SGK3: variants seen among roughly 807,000 people sequenced by gnomAD.
The protein encoded by SGK3 is serine/threonine-protein kinase Sgk3.
Under a neutral mutation model 68.5 loss-of-function variants are expected in SGK3, and 47 were observed. The ratio of observed to expected loss-of-function variants is 0.69; its 90% CI spans 0.54 to 0.87. The LOEUF (loss-of-function observed/expected upper bound fraction) is 0.87, where lower values mean the gene tolerates loss of function less well. Among genes scored for constraint, SGK3 ranks in the 40% least tolerant of loss-of-function variants. The pLI is 0.00. For missense variants in SGK3, 479 were observed against 575.5 expected, an observed-to-expected ratio of 0.83 and a Z score of 1.72; for synonymous variants, 181 against 189.1, an observed-to-expected ratio of 0.96 and a Z score of 0.35.
chr8:66,723,131 ATTTTTT>A (rs1177940065), intron 1 of SGK3, among the ~76,000 whole-genome samples: 72 of 29,446 alleles, frequency 2.4e-3, no homozygotes, highest in African/African-American at 6.5e-3. Flanking sequence ...ATATATATAT[ATTTTTT>A]TTTTTTTTTT....
chr8:66,800,912 G>A (rs1291300214), intron 3 of SGK3, among the ~76,000 whole-genome samples: 1 of 152,126 alleles, frequency 6.6e-6, no homozygotes, highest in Non-Finnish European at 1.5e-5. Flanking sequence ...TTGAGCCTGG[G>A]CGGTTGAGGC....
chr8:66,824,633 C>T (rs935301085), intron 6 of SGK3, among the ~76,000 whole-genome samples: 1 of 152,218 alleles, frequency 6.6e-6, no homozygotes, highest in Non-Finnish European at 1.5e-5. Context: ...GAATAATCCA[C>T]ACAGAAAAAA....
rs922506612 is a variant in SGK3 at position 66,806,830 on chromosome 8, A to G, written c.253+2383A>G. On this transcript the variant is annotated intron_variant, in intron 4 of 16. Transcript: ENST00000521198. The stretch of plus-strand genomic sequence containing the variant: ...CTCTGTCTCGAAAAAAAAAAAAAAA[A>G]AGAAAACACAAAAGAAATCTTATGG... Among the ~76,000 whole-genome samples, 3 of 152,016 alleles carry G rather than the reference A, an allele frequency of 2.0e-5. No individual in the cohort carries two copies. The South Asian group carries it at 6.2e-4, about 31-fold the overall frequency.
At chr8:66,798,439 C>T in intron 2 of SGK3, 103 bp from the exon 3 acceptor site, 1 of 919,822 alleles carries the variant, frequency 1.1e-6, no homozygotes, top group Non-Finnish European at 1.6e-6. Flanking sequence ...GCCAGACTGT[C>T]TCAAAAAAAA....
At chr8:66,776,816 A>G (rs1415898347) in intron 1 of SGK3, among the ~76,000 whole-genome samples, 1 of 152,132 alleles carries the variant, frequency 6.6e-6, no homozygotes, top group Non-Finnish European at 1.5e-5. Context: ...AAGTTGCTAC[A>G]TTAATTATTG....
intron 8 of SGK3, among the ~76,000 whole-genome samples, chr8:66,833,513 A>G (rs1809386199): frequency 6.6e-6 from 1 of 152,178 alleles, no homozygotes; most frequent in African/African-American, 2.4e-5. Flanking sequence ...TTCAGAATCA[A>G]CATATCAATT....
chr8:66,837,547 G>A (rs7843265), intron 10 of SGK3, among the ~76,000 whole-genome samples: 4 of 152,164 alleles, frequency 2.6e-5, no homozygotes, highest in African/African-American at 9.7e-5. Flanking sequence ...TTGGGAGGCC[G>A]ATGTGGGTGG....
At chr8:66,843,173 A>G (rs1229747801) in intron 13 of SGK3, among the ~76,000 whole-genome samples, 2 of 152,186 alleles carry the variant, frequency 1.3e-5, no homozygotes, top group South Asian at 2.1e-4. Flanking sequence ...TACATCACCT[A>G]TTGGGAATTA....
intron 1 of SGK3, among the ~76,000 whole-genome samples, chr8:66,725,093 C>T (rs1432653481): frequency 2.0e-5 from 3 of 151,938 alleles, no homozygotes; most frequent in African/African-American, 4.8e-5. Context: ...GGTGTGGTGG[C>T]GGGCATCTGT....
At chr8:66,749,714 G>A (rs764367656) in intron 1 of SGK3, among the ~76,000 whole-genome samples, 4 of 152,006 alleles carry the variant, frequency 2.6e-5, no homozygotes, top group Non-Finnish European at 5.9e-5. Flanking sequence ...TGAAATTAGA[G>A]ACGATTGATT....
At chr8:66,777,772 C>A (rs903149461) in intron 1 of SGK3, among the ~76,000 whole-genome samples, 10 of 152,218 alleles carry the variant, frequency 6.6e-5, no homozygotes, top group African/African-American at 2.4e-4. Flanking sequence ...TGATTTAAAG[C>A]CCACTTTTAC....
At chr8:66,806,075 C>T (rs1808148728) in intron 4 of SGK3, among the ~76,000 whole-genome samples, 1 of 152,218 alleles carries the variant, frequency 6.6e-6, no homozygotes, top group Non-Finnish European at 1.5e-5. Flanking sequence ...CCAGAGGCTG[C>T]TTTGCCTATA....
At chr8:66,797,933 A>C (rs1807765257) in intron 2 of SGK3, among the ~76,000 whole-genome samples, 1 of 152,212 alleles carries the variant, frequency 6.6e-6, no homozygotes, top group African/African-American at 2.4e-5. Flanking sequence ...AAATTACAGA[A>C]ATATTTTGTA....
At chr8:66,724,535 C>T (rs1190236265) in intron 1 of SGK3, among the ~76,000 whole-genome samples, 1 of 152,120 alleles carries the variant, frequency 6.6e-6, no homozygotes, top group African/African-American at 2.4e-5. Flanking sequence ...GAGATCGCAC[C>T]ACTGCATTCC....
At chr8:66,821,236 A>G (rs1174326540) in intron 5 of SGK3, among the ~76,000 whole-genome samples, 2 of 151,794 alleles carry the variant, frequency 1.3e-5, no homozygotes, top group Non-Finnish European at 2.9e-5. Flanking sequence ...CCTTGTTGAT[A>G]CCCACTTTAA....
At chr8:66,809,386 G>A (rs1808290960) in intron 4 of SGK3, among the ~76,000 whole-genome samples, 1 of 152,184 alleles carries the variant, frequency 6.6e-6, no homozygotes, top group African/African-American at 2.4e-5. Context: ...TGAAAGCAGG[G>A]AAGCTATTTA....
intron 1 of SGK3, among the ~76,000 whole-genome samples, chr8:66,754,099 T>G (rs1443048996): frequency 1.3e-5 from 2 of 152,160 alleles, no homozygotes; most frequent in African/African-American, 2.4e-5. Context: ...GAGAAAACTT[T>G]AGAGGCCTGG....
intron 4 of SGK3, among the ~76,000 whole-genome samples, chr8:66,805,736 A>C (rs746202987): frequency 5.3e-5 from 8 of 152,186 alleles, no homozygotes; most frequent in Non-Finnish European, 8.8e-5. Flanking sequence ...AAAGTCATCT[A>C]TCTCTGCCAC....
intron 1 of SGK3, among the ~76,000 whole-genome samples, chr8:66,753,598 G>A (rs530600643): frequency 6.6e-6 from 1 of 152,304 alleles, no homozygotes; most frequent in East Asian, 1.9e-4. Flanking sequence ...GCCCAGGAGG[G>A]TTGATCACCT....
Sources: gnomAD v4.1 joint callset for allele counts (sites outside exome capture counted in the v4.1 genomes callset) on GRCh38, gnomAD v4.1.1 for gene constraint, MANE v1.5 for transcripts, NCBI Gene and HGNC (gene_info 2026-07-23, HGNC 2026-07-21) for gene names.